Variants in CPEB3 observed in about 807,000 individuals in gnomAD.
CPEB3 encodes cytoplasmic polyadenylation element-binding protein 3.
A neutral mutation model predicts 67.2 loss-of-function variants in CPEB3; 20 were observed. The ratio of observed to expected loss-of-function variants is 0.30; its 90% CI spans 0.21 to 0.43. CPEB3 has a LOEUF of 0.43. CPEB3 is among the 20% of genes least tolerant of loss of function. CPEB3 has a pLI of 1.00. For missense variants in CPEB3, 746 were observed against 968.6 expected (o/e 0.77, Z 3.05); for synonymous variants, 376 against 393.1 (o/e 0.96, Z 0.51).
chr10:92,064,521 C>T (rs1420925128), intron 9 of CPEB3, among the ~76,000 whole-genome samples: 1 of 152,160 alleles, frequency 6.6e-6, no homozygotes, highest in Non-Finnish European at 1.5e-5. Context: ...CCAAATGCTA[C>T]AAGGGGCCAT....
At chr10:92,264,431 TC>T (rs977998767) in intron 1 of CPEB3, among the ~76,000 whole-genome samples, 5 of 152,142 alleles carry the variant, frequency 3.3e-5, no homozygotes, top group Non-Finnish European at 7.4e-5. Flanking sequence ...TTAACTGTTA[TC>T]CCTCACCAAC....
Position 92,265,141 on chromosome 10 carries a change from C to A in CPEB3, c.-11-24780G>T, listed in dbSNP as rs182132593. Among the ~76,000 whole-genome samples the A allele has an allele frequency of 4.0e-3, 604 of 151,762 alleles. 11 individuals are homozygous for A. Among genetic ancestry groups the A allele is most frequent in the Non-Finnish European group, 7.8e-4 (53 of 67,932 alleles). On this transcript the variant is annotated intron_variant, in intron 1 of 9. Coordinates refer to ENST00000265997, the MANE Select transcript of CPEB3 (RefSeq NM_014912.5). The stretch of plus-strand genomic sequence containing the variant: ...TGACACTGCACTCCAGCCTGGGCAA[C>A]ACAGCGAGACTCCGCCTCAAAAAAA...
intron 7 of CPEB3, among the ~76,000 whole-genome samples, chr10:92,108,693 G>A (rs1418760144): frequency 6.6e-6 from 1 of 152,198 alleles, no homozygotes; most frequent in Admixed American, 6.5e-5. Flanking sequence ...TAAAACTGCT[G>A]CACTTGAGCT....
At chr10:92,248,701 G>A (rs1283272265) in intron 1 of CPEB3, among the ~76,000 whole-genome samples, 1 of 152,116 alleles carries the variant, frequency 6.6e-6, no homozygotes, top group East Asian at 1.9e-4. Context: ...TGGCTTTTAT[G>A]ATGTTCAGTA....
rs551234886 is a variant in CPEB3, at chr10:92,100,336, C to T, written c.1573-8392G>A. Among the ~76,000 whole-genome samples, 13 of 152,210 alleles carry T rather than the reference C, an allele frequency of 8.5e-5. No individual in the cohort carries two copies. In the East Asian group the frequency reaches 9.7e-4, roughly 11 times the overall value. The stretch of plus-strand genomic sequence containing the variant: ...TTGCCCAGGCTGGAGTGCAATGGCA[C>T]GATCTCTGCTCACTGCAACCTCTGC... On this transcript the variant is annotated intron_variant, in intron 7 of 9. Coordinates refer to ENST00000265997, the MANE Select transcript of CPEB3 (RefSeq NM_014912.5).
intron 9 of CPEB3, among the ~76,000 whole-genome samples, chr10:92,064,035 G>A (rs962775826): frequency 6.6e-6 from 1 of 152,152 alleles, no homozygotes; most frequent in Non-Finnish European, 1.5e-5. Context: ...AAGTCAAAGT[G>A]TAAAGAAGAT....
In CPEB3 at chr10:92,120,235, C is replaced by A. The variant is rs183032757; in HGVS notation, c.1454-9041G>T. On this transcript the variant is annotated intron_variant, in intron 6 of 9. Coordinates refer to ENST00000265997, the MANE Select transcript of CPEB3 (RefSeq NM_014912.5). Reference sequence around the variant, plus strand: ...GACCATCCTGGCTAACACGGTTAAACCCTGTCTCTACTAAAAATACAAAAA... The same window carrying A: ...GACCATCCTGGCTAACACGGTTAAAACCTGTCTCTACTAAAAATACAAAAA... 3.4e-3 allele frequency among the ~76,000 whole-genome samples: 506 copies of A among 150,768 alleles called. 2 individuals carry two copies. Among genetic ancestry groups the A allele is most frequent in the Non-Finnish European group, 5.6e-3 (381 of 67,836 alleles).
chr10:92,240,797 A>T (rs1851811428), intron 1 of CPEB3, among the ~76,000 whole-genome samples: 1 of 152,180 alleles, frequency 6.6e-6, no homozygotes, highest in Non-Finnish European at 1.5e-5. Context: ...GTCCTTCAGC[A>T]AGGTTAAAAA....
At chr10:92,260,551 CA>C (rs111730435) in intron 1 of CPEB3, among the ~76,000 whole-genome samples, 14,755 of 97,490 alleles carry the variant, frequency 0.15, 2,399 homozygotes, top group African/African-American at 0.43. Flanking sequence ...AACTCCTTCT[CA>C]AAAAAAAAAA....
At chr10:92,085,292 G>A (rs1843324998) in intron 8 of CPEB3, among the ~76,000 whole-genome samples, 1 of 152,304 alleles carries the variant, frequency 6.6e-6, no homozygotes, top group East Asian at 1.9e-4. Context: ...GTCTGGTCAT[G>A]GTGGGAAGAT....
At chr10:92,183,769 G>A (rs1246365471) in intron 3 of CPEB3, among the ~76,000 whole-genome samples, 1 of 152,122 alleles carries the variant, frequency 6.6e-6, no homozygotes, top group East Asian at 1.9e-4. Context: ...TATCTAAAAA[G>A]TTAGCAATAT....
intron 2 of CPEB3, among the ~76,000 whole-genome samples, chr10:92,217,840 A>C (rs1001138715): frequency 6.6e-6 from 1 of 152,238 alleles, no homozygotes; most frequent in African/African-American, 2.4e-5. Context: ...CAGTATTTCA[A>C]AATCAAAGAG....
At chr10:92,126,086 C>T (rs1463999890) in intron 6 of CPEB3, among the ~76,000 whole-genome samples, 1 of 152,146 alleles carries the variant, frequency 6.6e-6, no homozygotes, top group Non-Finnish European at 1.5e-5. Flanking sequence ...TGACCTATGT[C>T]ACAGCTAGGT....
At chr10:92,200,944 G>A (rs1300778649) in intron 2 of CPEB3, among the ~76,000 whole-genome samples, 1 of 152,122 alleles carries the variant, frequency 6.6e-6, no homozygotes, top group East Asian at 1.9e-4. Context: ...TTTTGAGGCT[G>A]GATTCAGCAG....
At chr10:92,218,663 T>C (rs1461048576) in intron 2 of CPEB3, among the ~76,000 whole-genome samples, 1 of 152,188 alleles carries the variant, frequency 6.6e-6, no homozygotes, top group African/African-American at 2.4e-5. Flanking sequence ...CTACCCACAG[T>C]AGGCCAACAT....
At chr10:92,288,386 T>C (rs1441853993) in intron 1 of CPEB3, among the ~76,000 whole-genome samples, 1 of 148,786 alleles carries the variant, frequency 6.7e-6, no homozygotes, top group Non-Finnish European at 1.5e-5. Flanking sequence ...CTTGAGCCCC[T>C]GAGGCTGAGG....
chr10:92,242,577 A>G (rs190269536), intron 1 of CPEB3, among the ~76,000 whole-genome samples: 2 of 152,322 alleles, frequency 1.3e-5, no homozygotes, highest in East Asian at 3.9e-4. Flanking sequence ...CCATATCATC[A>G]TGGCTGAAAT....
intron 6 of CPEB3, among the ~76,000 whole-genome samples, chr10:92,129,478 G>T (rs1845745716): frequency 6.6e-6 from 1 of 152,144 alleles, no homozygotes; most frequent in Admixed American, 6.6e-5. Flanking sequence ...GAAGGAGATA[G>T]AAAAATGATG....
rs367828776 is a variant in CPEB3, at chr10:92,147,455, C to CA, written c.1223-2371dup. The stretch of plus-strand genomic sequence containing the variant: ...TGGGTGACAGAGTGAGGCCCTGTCT[C>CA]AAAAAAAAAACATTAACTTACTCCA... On this transcript the variant is annotated intron_variant, in intron 4 of 9. Transcript: ENST00000265997. Among the ~76,000 whole-genome samples the CA allele has an allele frequency of 2.6e-3, 384 of 145,142 alleles. 1 individual carries two copies. The highest frequency in any genetic ancestry group is 7.2e-3 in the African/African-American group (285 of 39,476).
Sources: allele counts gnomAD v4.1 joint callset (sites outside exome capture counted in the v4.1 genomes callset), GRCh38; gene constraint gnomAD v4.1.1; transcripts MANE v1.5; gene names NCBI Gene and HGNC (gene_info 2026-07-23, HGNC 2026-07-21).